SENP7: variants seen among roughly 807,000 people sequenced by gnomAD.
SENP7 encodes the protein sentrin-specific protease 7.
Under a neutral mutation model 141.2 loss-of-function variants are expected in SENP7, and 64 were observed. The ratio of observed to expected loss-of-function variants is 0.45; its 90% CI spans 0.37 to 0.56. The LOEUF (loss-of-function observed/expected upper bound fraction) is 0.56. SENP7 is among the 20% of genes least tolerant of loss of function. The probability of loss-of-function intolerance (pLI) is 0.00; values close to 1 mark genes in which losing one functional copy is unlikely to be tolerated. For synonymous variants in SENP7, 382 were observed against 426.4 expected, an observed-to-expected ratio of 0.90 and a Z score of 1.28; for missense variants, 1,025 against 1,212.2, an observed-to-expected ratio of 0.85 and a Z score of 2.29.
At chr3:101,494,003 G>T in intron 2 of SENP7, 35 bp from the exon 3 acceptor site, 1 of 1,327,462 alleles carries the variant, frequency 7.5e-7, no homozygotes, top group South Asian at 1.2e-5. Context: ...TAGTTTAATT[G>T]AACTATATAC....
At chr3:101,460,566 C>T (rs2063513265) in intron 3 of SENP7, among the ~76,000 whole-genome samples, 1 of 151,906 alleles carries the variant, frequency 6.6e-6, no homozygotes, top group East Asian at 1.9e-4. Flanking sequence ...AAGACCTAAA[C>T]ATTATACAAG....
Position 101,366,525 on chromosome 3 carries a change from A to T in SENP7, c.1223T>A (p.Leu408Gln). 1 of 1,613,880 alleles carries T rather than the reference A, an allele frequency of 6.2e-7. No homozygotes were observed. The highest frequency in any genetic ancestry group is 2.2e-5 in the East Asian group (1 of 44,872). Residue 408 changes from leucine (L) to glutamine (Q), a missense_variant, in exon 9 of 24, where the codon CTG becomes CAG. Leu to Gln is a moderately radical substitution (Grantham distance 113). This residue lies in a region of SENP7 where 496 missense variants were observed against 503.5 expected (regional missense o/e 0.99). Coordinates refer to ENST00000394095, the MANE Select transcript of SENP7 (RefSeq NM_020654.5). Reference sequence around the variant, plus strand: ...CAACTCATTCTCATCCTTCTCAACCAGGGAAGAAATCCCCACAATATCAAT... The same window carrying T: ...CAACTCATTCTCATCCTTCTCAACCTGGGAAGAAATCCCCACAATATCAAT... Reference protein sequence around the residue: ...NSIDIVGISSLVEKDENELNT... With the variant: ...NSIDIVGISSQVEKDENELNT...
intron 6 of SENP7, among the ~76,000 whole-genome samples, chr3:101,378,781 T>C (rs1256865785): frequency 6.6e-6 from 1 of 151,620 alleles, no homozygotes; most frequent in Admixed American, 6.6e-5. Context: ...AAATCAAAGA[T>C]TTAAAAACAG....
intron 4 of SENP7, among the ~76,000 whole-genome samples, chr3:101,439,183 C>A (rs1263799285): frequency 1.9e-5 from 2 of 104,242 alleles, no homozygotes; most frequent in African/African-American, 7.1e-5. Context: ...TCTGCCCCGC[C>A]GCCCCATCTG....
At chr3:101,482,722 C>G (rs2064548572) in intron 3 of SENP7, among the ~76,000 whole-genome samples, 1 of 151,950 alleles carries the variant, frequency 6.6e-6, no homozygotes, top group South Asian at 2.1e-4. Context: ...TTTATTTTTT[C>G]TTAGACACTA....
At chr3:101,506,146 C>T (rs963354797) in intron 1 of SENP7, among the ~76,000 whole-genome samples, 2 of 152,086 alleles carry the variant, frequency 1.3e-5, no homozygotes, top group African/African-American at 2.4e-5. Context: ...TCAGCCTCCC[C>T]AGTACCTGGG....
At chr3:101,387,910 C>T (rs2060705285) in intron 6 of SENP7, among the ~76,000 whole-genome samples, 1 of 152,224 alleles carries the variant, frequency 6.6e-6, no homozygotes, top group Non-Finnish European at 1.5e-5. Flanking sequence ...CTGCACATGG[C>T]TTCTGGCGGA....
intron 6 of SENP7, among the ~76,000 whole-genome samples, chr3:101,389,514 GA>G (rs1024267875): frequency 6.1e-5 from 9 of 147,094 alleles, no homozygotes; most frequent in Non-Finnish European, 1.1e-4. Flanking sequence ...AGTACTAAAA[GA>G]AAAAAAAAAC....
chr3:101,460,609 C>T (rs2063515041), intron 3 of SENP7, among the ~76,000 whole-genome samples: 1 of 151,462 alleles, frequency 6.6e-6, no homozygotes, highest in Non-Finnish European at 1.5e-5. Flanking sequence ...GAAAAAAAAA[C>T]ACAGCAGTAC....
At chr3:101,349,604 C>T (rs1200048620) in intron 12 of SENP7, among the ~76,000 whole-genome samples, 1 of 151,998 alleles carries the variant, frequency 6.6e-6, no homozygotes, top group Non-Finnish European at 1.5e-5. Context: ...TTAATGGGTG[C>T]AGCATACCAA....
intron 7 of SENP7, among the ~76,000 whole-genome samples, chr3:101,369,479 G>A (rs2060123425): frequency 1.3e-5 from 2 of 152,120 alleles, no homozygotes; most frequent in African/African-American, 4.8e-5. Flanking sequence ...TTCCAAGATA[G>A]TCAATCGCCT....
intron 5 of SENP7, among the ~76,000 whole-genome samples, chr3:101,416,009 A>C (rs987065519): frequency 2.0e-5 from 3 of 152,256 alleles, no homozygotes; most frequent in South Asian, 4.1e-4. Context: ...AAGAGGAGTC[A>C]AAGACAATTC....
At chr3:101,462,521 A>G (rs2063580937) in intron 3 of SENP7, among the ~76,000 whole-genome samples, 1 of 151,472 alleles carries the variant, frequency 6.6e-6, no homozygotes, top group South Asian at 2.1e-4. Flanking sequence ...AGCCTGGGCA[A>G]CAAGAGTGAA....
At chr3:101,470,281 C>T (rs1334008335) in intron 3 of SENP7, among the ~76,000 whole-genome samples, 1 of 152,134 alleles carries the variant, frequency 6.6e-6, no homozygotes, top group African/African-American at 2.4e-5. Flanking sequence ...CCGAATCCAG[C>T]AGCACATCAA....
chr3:101,511,882 C>G (rs1021326214), intron 1 of SENP7, among the ~76,000 whole-genome samples: 14 of 152,052 alleles, frequency 9.2e-5, no homozygotes, highest in Non-Finnish European at 1.9e-4. Flanking sequence ...TGCAGTGGTG[C>G]GATCTCGGCT....
chr3:101,347,440 G>C (rs2059491458), intron 13 of SENP7: 1 of 152,086 alleles, frequency 6.6e-6, no homozygotes, highest in Non-Finnish European at 1.5e-5. Context: ...AACAAAATTA[G>C]GGCCAGGCGC....
At chr3:101,340,951 G>C (rs905273530) in intron 15 of SENP7, among the ~76,000 whole-genome samples, 6 of 152,144 alleles carry the variant, frequency 3.9e-5, no homozygotes, top group African/African-American at 1.4e-4. Flanking sequence ...CAGTAATGAA[G>C]GTATAATATG....
intron 3 of SENP7, among the ~76,000 whole-genome samples, chr3:101,465,987 T>C (rs2063745638): frequency 6.6e-6 from 1 of 152,106 alleles, no homozygotes; most frequent in Non-Finnish European, 1.5e-5. Context: ...CAATGAAATA[T>C]AAAATACAGT....
At chr3:101,442,242 A>C (rs1317767551) in intron 4 of SENP7, among the ~76,000 whole-genome samples, 1 of 152,192 alleles carries the variant, frequency 6.6e-6, no homozygotes, top group Non-Finnish European at 1.5e-5. Flanking sequence ...ATAATTATCT[A>C]AGGCAGCGAT....
Sources: allele counts gnomAD v4.1 joint callset (sites outside exome capture counted in the v4.1 genomes callset), GRCh38; gene constraint gnomAD v4.1.1; regional missense constraint gnomAD v4.1.1; transcripts MANE v1.5; gene names NCBI Gene and HGNC (gene_info 2026-07-23, HGNC 2026-07-21).